NOM1: variants seen among roughly 807,000 people sequenced by gnomAD.
The protein encoded by NOM1 is nucleolar protein with MIF4G domain 1, also known as nucleolar MIF4G domain-containing protein 1.
Under a neutral mutation model 73.3 loss-of-function variants are expected in NOM1, and 58 were observed. The ratio of observed to expected loss-of-function variants is 0.79; its 90% CI spans 0.64 to 0.99. The LOEUF (loss-of-function observed/expected upper bound fraction) is 0.99, where lower values mean the gene tolerates loss of function less well. NOM1 is among the 50% of genes least tolerant of loss of function. The pLI is 0.00. For missense variants in NOM1, 1,226 were observed against 1,131.9 expected (o/e 1.08, Z -1.19); for synonymous variants, 487 against 446.8 (o/e 1.09, Z -1.14).
At chr7:156,963,277 T>G in intron 6 of NOM1, 102 bp downstream of exon 6, 1 of 1,226,584 alleles carries the variant, frequency 8.2e-7, no homozygotes, top group Non-Finnish European at 1.2e-6. Flanking sequence ...TCTTGAATGG[T>G]CACTGAAATG....
intron 7 of NOM1, among the ~76,000 whole-genome samples, chr7:156,964,608 T>C (rs768174747): frequency 2.0e-5 from 3 of 152,214 alleles, no homozygotes; most frequent in Non-Finnish European, 4.4e-5. Flanking sequence ...TCTTTAAATG[T>C]ACCTGTGTAG....
chr7:156,950,274 CGAG>C lies in NOM1; in HGVS notation c.546_548del (p.Glu182del). On this transcript the variant is annotated inframe_deletion, in exon 1 of 11. Coordinates refer to ENST00000275820, the MANE Select transcript of NOM1 (RefSeq NM_138400.2). The stretch of plus-strand genomic sequence containing the variant: ...GGAAACGGGCGCTTTTAGCGGCGAA[CGAG>C]GAGGAGGACCGAGAGATCCGAAAGC... The C allele has an allele frequency of 1.9e-6, 3 of 1,613,970 alleles. No individual in the cohort carries two copies. The highest frequency in any genetic ancestry group is 2.5e-6 in the Non-Finnish European group (3 of 1,179,856).
At chr7:156,961,886 G>A (rs571893987) in intron 4 of NOM1, among the ~76,000 whole-genome samples, 11 of 152,028 alleles carry the variant, frequency 7.2e-5, no homozygotes, top group Non-Finnish European at 1.2e-4. Flanking sequence ...GGTGAGGCGT[G>A]TGGCGAGCAG....
In NOM1 at chr7:156,963,889, T is replaced by C. The variant is rs1804931268; in HGVS notation, c.1912-16T>C. 3.1e-6 allele frequency: 5 copies of C among 1,609,608 alleles called. No individual in the cohort carries two copies. Among genetic ancestry groups the C allele is most frequent in the Non-Finnish European group, 4.2e-6 (5 of 1,177,828 alleles). On this transcript the variant is annotated splice_polypyrimidine_tract_variant and intron_variant, in intron 6 of 10. Transcript: ENST00000275820. Reference sequence around the variant, plus strand: ...TGGAGACATGCGTATGACTTGTCCATTCATCGTGCTTCCAGGTCAGTTCAA... The same window carrying C: ...TGGAGACATGCGTATGACTTGTCCACTCATCGTGCTTCCAGGTCAGTTCAA...
Position 156,949,788 on chromosome 7 carries a change from ACGCGTGGTC to A in NOM1, c.55_63del (p.Val19_Arg21del), listed in dbSNP as rs1208439584. 1.4e-5 allele frequency: 20 copies of A among 1,401,498 alleles called. No individual in the cohort carries two copies. Among genetic ancestry groups the A allele is most frequent in the Non-Finnish European group, 1.8e-5 (20 of 1,082,314 alleles). The allele number at this position is 1,401,498 out of a possible 1,614,324, so 86.8% of individuals were successfully genotyped here. ...AGGCCGGCCCGGGCGGCTCCCAGGG[ACGCGTGGTC>A]CGCATGAAGCGCAGAGGCGGGCGCG... On this transcript the variant is annotated inframe_deletion, in exon 1 of 11. Coordinates refer to ENST00000275820, the MANE Select transcript of NOM1 (RefSeq NM_138400.2).
chr7:156,966,251 T>C lies in NOM1; in HGVS notation c.2034-19T>C. Reference sequence around the variant, plus strand: ...TGGAAGTCGAGTGATGTTCCAGTCATTGCTGTTCTGTTTTCTAGGCTTGGA... The same window carrying C: ...TGGAAGTCGAGTGATGTTCCAGTCACTGCTGTTCTGTTTTCTAGGCTTGGA... On this transcript the variant is annotated intron_variant, in intron 7 of 10. Coordinates refer to ENST00000275820, the MANE Select transcript of NOM1 (RefSeq NM_138400.2). The C allele has an allele frequency of 6.2e-7, 1 of 1,612,760 alleles. No homozygotes were observed. Among genetic ancestry groups the C allele is most frequent in the Non-Finnish European group, 8.5e-7 (1 of 1,179,962 alleles).
rs116061103 is a variant in NOM1, at chr7:156,950,232, C to T, written c.495C>T (p.Ala165=). The change falls in exon 1 of 11, where the codon GCC becomes GCT. Residue 165 remains alanine, a synonymous_variant. Transcript: ENST00000275820. The part of the protein sequence containing the change: ...AATAKTRPSA[A]ATAAARKRAL... ...CCGCAAAGACCAGACCCTCCGCAGC[C>T]GCCACCGCCGCTGCCCGGAAACGGG... 12 of 1,612,618 alleles carry T rather than the reference C, an allele frequency of 7.4e-6. No homozygotes were observed. In the African/African-American group the frequency reaches 1.2e-4, roughly 16 times the overall value.
intron 3 of NOM1, among the ~76,000 whole-genome samples, chr7:156,955,177 C>G (rs1804690856): frequency 6.6e-6 from 1 of 152,224 alleles, no homozygotes; most frequent in Non-Finnish European, 1.5e-5. Flanking sequence ...ATTCTTCTTG[C>G]TCCACAACCC....
rs1484866289 is a variant in NOM1 at position 156,949,869 on chromosome 7, G to T, written c.132G>T (p.Arg44Ser). 2.6e-6 allele frequency: 4 copies of T among 1,520,508 alleles called. No homozygotes were observed. Among genetic ancestry groups the T allele is most frequent in the Non-Finnish European group, 3.5e-6 (4 of 1,134,186 alleles). 94.2% of individuals were successfully genotyped at this position (1,520,508 alleles called of 1,614,324 possible). Reference protein sequence around the residue: ...PAGGGEKALKRLKLAVEEFVH... With the variant: ...PAGGGEKALKSLKLAVEEFVH... ...GCGGTGGGGAGAAGGCCCTGAAGAG[G>T]CTGAAGCTAGCGGTGGAGGAGTTCG... The change falls in exon 1 of 11, where the codon AGG becomes AGT. Residue 44 changes from arginine (R) to serine (S), a missense_variant. Physicochemically the swap from Arg to Ser is moderately radical, Grantham distance 110. Coordinates refer to ENST00000275820, the MANE Select transcript of NOM1 (RefSeq NM_138400.2).
At chr7:156,962,918 G>A in intron 5 of NOM1, 90 bp from the exon 6 acceptor site, 10 of 1,395,808 alleles carry the variant, frequency 7.2e-6, no homozygotes, top group South Asian at 1.4e-5. Flanking sequence ...CACCAGAAAT[G>A]TCATGGTCAA....
chr7:156,963,119 G>A lies in NOM1; in HGVS notation c.1855G>A (p.Ala619Thr). 1 of 1,614,158 alleles carries A rather than the reference G, an allele frequency of 6.2e-7. No homozygotes were observed. Among genetic ancestry groups the A allele is most frequent in the Non-Finnish European group, 8.5e-7 (1 of 1,180,020 alleles). The change falls in exon 6 of 11, where the codon GCC (alanine) becomes ACC (threonine). Residue 619 changes from alanine (A) to threonine (T), a missense_variant. Physicochemically the swap from Ala to Thr is moderately conservative, Grantham distance 58. Transcript: ENST00000275820. ...GATTGTGGGGTCCGCCTGGAGTGGG[G>A]CCCCGATGATCGACAACAGTCACCA... ...WWIVGSAWSG[A>T]PMIDNSHHTH... is the part of the protein sequence containing the mutation.
rs554111065 is a variant in NOM1 at position 156,966,163 on chromosome 7, G to A, written c.2034-107G>A. 3.8e-4 allele frequency: 535 copies of A among 1,414,810 alleles called. 2 individuals are homozygous for A. In the African/African-American group the frequency reaches 6.1e-3, roughly 16 times the overall value. The allele number at this position is 1,414,810 out of a possible 1,614,324, so 87.6% of individuals were successfully genotyped here. A position where few individuals can be genotyped will look rare whatever the true frequency, so the allele number is the denominator to read the frequency against. On this transcript the variant is annotated intron_variant, in intron 7 of 10. Transcript: ENST00000275820. The stretch of plus-strand genomic sequence containing the variant: ...TGCCTCCACCTCCTTTACGTGGCTC[G>A]CCTCTAACCAGACCCTTCCAGGCGG...
intron 6 of NOM1, chr7:156,963,396 T>G (rs997841264): frequency 1.7e-6 from 1 of 599,146 alleles, no homozygotes; most frequent in African/African-American, 1.9e-5. Flanking sequence ...GATCTAAAAG[T>G]TGAATGGCAC....
At position 156,963,906 on chromosome 7, in the gene NOM1, T is replaced by C. The variant is rs1190800937; in HGVS notation, c.1913T>C (p.Val638Ala). 1 of 1,613,240 alleles carries C rather than the reference T, an allele frequency of 6.2e-7. No homozygotes were observed. The highest frequency in any genetic ancestry group is 1.7e-5 in the Admixed American group (1 of 59,860). ...THLQKQLVGT[V>A]SSKILELARK... ...CTTGTCCATTCATCGTGCTTCCAGGTCAGTTCAAAGATCCTAGAACTCGCC... is the reference window on the plus strand; with the variant it reads ...CTTGTCCATTCATCGTGCTTCCAGGCCAGTTCAAAGATCCTAGAACTCGCC... Residue 638 changes from valine (V) to alanine (A), a missense_variant and splice_region_variant, in exon 7 of 11, where the codon GTC becomes GCC. Transcript: ENST00000275820.
rs192929202 is a variant in NOM1 at position 156,964,805 on chromosome 7, G to A, written c.2033+779G>A. Among the ~76,000 whole-genome samples, 323 of 152,162 alleles carry A rather than the reference G, an allele frequency of 2.1e-3. 5 individuals are homozygous for A. The highest frequency in any genetic ancestry group is 0.014 in the Middle Eastern group (4 of 294). On this transcript the variant is annotated intron_variant, in intron 7 of 10. Coordinates refer to ENST00000275820, the MANE Select transcript of NOM1 (RefSeq NM_138400.2). ...CCCTTTGCCTCTCTGTGGCCTTGCC[G>A]TTTTGCCGAAAACCTCCCATCTCCC...
At position 156,949,746 on chromosome 7, in the gene NOM1, G is replaced by C. The variant is rs1454738611; in HGVS notation, c.9G>C (p.Ala3=). The change falls in exon 1 of 11, where the codon GCG becomes GCC. Residue 3 remains alanine (A), a synonymous_variant. Transcript: ENST00000275820. ...TCCACGCGTTTCGAAAGATGGCGGC[G>C]TCCAGGAGCGCGGGAGAGGCCGGCC... The part of the protein sequence containing the change: MA[A]SRSAGEAGPG... The C allele has an allele frequency of 7.2e-7, 1 of 1,381,864 alleles. No homozygotes were observed. Among genetic ancestry groups the C allele is most frequent in the Non-Finnish European group, 9.3e-7 (1 of 1,073,450 alleles). The allele number at this position is 1,381,864 out of a possible 1,614,324, so 85.6% of individuals were successfully genotyped here.
chr7:156,950,184 C>G lies in NOM1; in HGVS notation c.447C>G (p.Val149=). 5.0e-6 allele frequency: 8 copies of G among 1,606,766 alleles called. No homozygotes were observed. Among genetic ancestry groups the G allele is most frequent in the South Asian group, 2.2e-5 (2 of 90,938 alleles). Residue 149 remains valine (V), a synonymous_variant, in exon 1 of 11, where the codon GTC becomes GTG. Transcript: ENST00000275820. ...CCAGGAAGCCGCGGCCGTCCCGGGTCAAGGCCAAGGCCACGGCCGCCACCG... is the reference window on the plus strand; with the variant it reads ...CCAGGAAGCCGCGGCCGTCCCGGGTGAAGGCCAAGGCCACGGCCGCCACCG... ...SPPRKPRPSR[V]KAKATAATAK...
At chr7:156,964,540 C>G (rs1211536311) in intron 7 of NOM1, among the ~76,000 whole-genome samples, 1 of 151,830 alleles carries the variant, frequency 6.6e-6, no homozygotes, top group Non-Finnish European at 1.5e-5. Context: ...CCCAGTAGTT[C>G]AAGACCAGCC....
chr7:156,969,463 A>G, intron 10 of NOM1, 66 bp from the exon 11 acceptor site: 1 of 1,371,038 alleles, frequency 7.3e-7, no homozygotes. Context: ...TATGCGAGAT[A>G]CCCAGGATTG....
Sources: gnomAD v4.1 joint callset for allele counts (sites outside exome capture counted in the v4.1 genomes callset) on GRCh38, gnomAD v4.1.1 for gene constraint, MANE v1.5 for transcripts, NCBI Gene and HGNC (gene_info 2026-07-23, HGNC 2026-07-21) for gene names.